Variants in SHLD2 observed in about 807,000 individuals in gnomAD.
SHLD2 encodes the protein shieldin complex subunit 2, also known as RINN1-REV7-interacting novel NHEJ regulator 2.
In SHLD2, 30 loss-of-function variants were observed where a neutral mutation model predicts 73.2. The ratio of observed to expected loss-of-function variants is 0.41; its 90% CI spans 0.31 to 0.56. The LOEUF is 0.56. Among genes scored for constraint, SHLD2 ranks in the 20% least tolerant of loss-of-function variants. The pLI is 0.28. For synonymous variants in SHLD2, 285 were observed against 370.1 expected, an observed-to-expected ratio of 0.77 and a Z score of 2.64; for missense variants, 745 against 1,055.9, an observed-to-expected ratio of 0.71 and a Z score of 4.08.
In SHLD2 at chr10:87,190,562, G is replaced by T. The variant is rs750993688; in HGVS notation, c.2594G>T (p.Cys865Phe). ...TTGTTGGCAGTCAGCGCAGAACCTT[G>T]TGTATTAAAGATTCAGAGCCTTTTT... ...HSLLAVSAEP[C>F]VLKIQSLFVL... The change falls in exon 10 of 10, where the codon TGT (cysteine) becomes TTT (phenylalanine). Residue 865 changes from cysteine (C) to phenylalanine (F), a missense_variant. Cys to Phe is a radical substitution (Grantham distance 205). Coordinates refer to ENST00000298786, the MANE Select transcript of SHLD2 (RefSeq NM_001330112.2). The T allele has an allele frequency of 2.0e-5, 33 of 1,611,912 alleles. No individual in the cohort carries two copies. The highest frequency in any genetic ancestry group is 2.6e-5 in the Non-Finnish European group (31 of 1,179,806).
intron 4 of SHLD2, 116 bp from the exon 5 acceptor site, chr10:87,170,362 A>G (rs1050245766): frequency 1.1e-5 from 8 of 711,084 alleles, no homozygotes; most frequent in African/African-American, 3.6e-5. Flanking sequence ...AAGCAAAACT[A>G]TATTTTATAT....
At chr10:87,139,767 G>A (rs1307550332) in intron 2 of SHLD2, among the ~76,000 whole-genome samples, 1 of 152,152 alleles carries the variant, frequency 6.6e-6, no homozygotes, top group African/African-American at 2.4e-5. Flanking sequence ...AGAGGTTGCA[G>A]TGAGCTGAGA....
At chr10:87,173,682 A>C (rs1008396242) in intron 6 of SHLD2, among the ~76,000 whole-genome samples, 4 of 152,026 alleles carry the variant, frequency 2.6e-5, no homozygotes, top group Non-Finnish European at 5.9e-5. Context: ...AGGGTAAATA[A>C]AATCCAGGAA....
intron 2 of SHLD2, among the ~76,000 whole-genome samples, chr10:87,104,110 G>A (rs1229797900): frequency 1.3e-5 from 2 of 151,002 alleles, no homozygotes; most frequent in Non-Finnish European, 2.9e-5. Flanking sequence ...GCGGGCAGGT[G>A]CTTGTAATCC....
At chr10:87,097,824 A>G (rs894126762) in intron 2 of SHLD2, among the ~76,000 whole-genome samples, 2 of 151,944 alleles carry the variant, frequency 1.3e-5, no homozygotes, top group African/African-American at 4.8e-5. Context: ...CAGTGGTGCA[A>G]TCTCAGCTCA....
At chr10:87,123,800 C>G (rs901302378) in intron 2 of SHLD2, among the ~76,000 whole-genome samples, 1 of 152,200 alleles carries the variant, frequency 6.6e-6, no homozygotes, top group Non-Finnish European at 1.5e-5. Context: ...CCTGCTTCTC[C>G]TAAAACTTTG....
intron 3 of SHLD2, among the ~76,000 whole-genome samples, chr10:87,157,316 T>A (rs113399911): frequency 8.3e-4 from 127 of 152,352 alleles, no homozygotes; most frequent in African/African-American, 2.9e-3. Flanking sequence ...TATCTCTACA[T>A]TATTTCACTA....
intron 3 of SHLD2, 50 bp downstream of exon 3, chr10:87,152,929 GTTTGTT>G (rs1178396492): frequency 6.5e-7 from 1 of 1,535,142 alleles, no homozygotes; most frequent in African/African-American, 1.4e-5. Flanking sequence ...GCTAAGTTTT[GTTTGTT>G]TTTGTTTTTC....
At chr10:87,118,278 A>G (rs1390398462) in intron 2 of SHLD2, among the ~76,000 whole-genome samples, 2 of 152,184 alleles carry the variant, frequency 1.3e-5, no homozygotes, top group African/African-American at 2.4e-5. Flanking sequence ...ATTATCTTTT[A>G]GTATTTATAG....
chr10:87,134,876 G>C (rs1014890039), intron 2 of SHLD2, among the ~76,000 whole-genome samples: 6 of 152,142 alleles, frequency 3.9e-5, no homozygotes, highest in African/African-American at 1.2e-4. Context: ...CCTCCAGAAG[G>C]CTGGCTGGAG....
chr10:87,143,106 T>TA (rs1179675133), intron 2 of SHLD2, among the ~76,000 whole-genome samples: 3 of 151,100 alleles, frequency 2.0e-5, no homozygotes, highest in Admixed American at 1.3e-4. Flanking sequence ...TTTTTTTTTT[T>TA]AATTTTTTGT....
At chr10:87,146,026 C>T (rs536552589) in intron 2 of SHLD2, among the ~76,000 whole-genome samples, 26 of 152,274 alleles carry the variant, frequency 1.7e-4, no homozygotes, top group African/African-American at 2.9e-4. Flanking sequence ...ATACTCACAA[C>T]TCCTATAAAT....
chr10:87,101,902 GTTT>G (rs2133939216), intron 2 of SHLD2, among the ~76,000 whole-genome samples: 1 of 152,046 alleles, frequency 6.6e-6, no homozygotes, highest in Non-Finnish European at 1.5e-5. Flanking sequence ...CGACAGAACG[GTTT>G]TTGTATGCTT....
chr10:87,139,988 A>C (rs1337831817), intron 2 of SHLD2, among the ~76,000 whole-genome samples: 4 of 152,236 alleles, frequency 2.6e-5, no homozygotes, highest in Admixed American at 2.6e-4. Flanking sequence ...TTCACATTGA[A>C]GCACAAAGAG....
Position 87,150,971 on chromosome 10 carries a change from G to A in SHLD2, c.-5-379G>A, listed in dbSNP as rs556363336. 3.8e-3 allele frequency among the ~76,000 whole-genome samples: 583 copies of A among 151,672 alleles called. 3 individuals are homozygous for A. The highest frequency in any genetic ancestry group is 0.013 in the African/African-American group (519 of 41,374). On this transcript the variant is annotated intron_variant, in intron 2 of 9. Coordinates refer to ENST00000298786, the MANE Select transcript of SHLD2 (RefSeq NM_001330112.2). ...CCTTCAAGTGGCTGGGACTACAGGC[G>A]TGTGCTACCACGCCCAGCTAATTTT...
intron 2 of SHLD2, among the ~76,000 whole-genome samples, chr10:87,139,513 T>G (rs1025117843): frequency 6.6e-6 from 1 of 152,022 alleles, no homozygotes; most frequent in African/African-American, 2.4e-5. Context: ...GATGATTGAA[T>G]TATCAGCCAA....
intron 2 of SHLD2, among the ~76,000 whole-genome samples, chr10:87,150,116 G>GCA (rs1845908908): frequency 6.8e-6 from 1 of 146,974 alleles, no homozygotes; most frequent in Admixed American, 6.9e-5. Flanking sequence ...CCAGGCTGGA[G>GCA]TGCAGTGGCG....
chr10:87,163,318 A>G (rs1299327731), intron 4 of SHLD2, among the ~76,000 whole-genome samples: 4 of 152,186 alleles, frequency 2.6e-5, no homozygotes, highest in African/African-American at 7.2e-5. Flanking sequence ...ACCAGAAACT[A>G]AAGAGATTGG....
chr10:87,115,267 T>C (rs1410421827), intron 2 of SHLD2: 1 of 152,214 alleles, frequency 6.6e-6, no homozygotes, highest in Non-Finnish European at 1.5e-5. Flanking sequence ...GCCAGGCTGG[T>C]CTCGAACTCC....
Sources: allele counts gnomAD v4.1 joint callset (sites outside exome capture counted in the v4.1 genomes callset), GRCh38; gene constraint gnomAD v4.1.1; transcripts MANE v1.5; gene names NCBI Gene and HGNC (gene_info 2026-07-23, HGNC 2026-07-21).